The following CC2D2A variants were observed in gnomAD, a reference collection of about 807,000 sequenced individuals.
CC2D2A encodes coiled-coil and C2 domain-containing protein 2A.
A neutral mutation model predicts 212.9 loss-of-function variants in CC2D2A; 155 were observed. The ratio of observed to expected loss-of-function variants is 0.73; its 90% CI spans 0.64 to 0.83. CC2D2A has a LOEUF of 0.83. CC2D2A is among the 40% of genes least tolerant of loss of function. The pLI is 0.00. For synonymous variants in CC2D2A, 667 were observed against 686.5 expected, an observed-to-expected ratio of 0.97 and a Z score of 0.44; for missense variants, 1,856 against 1,956.2, an observed-to-expected ratio of 0.95 and a Z score of 0.97.
intron 4 of CC2D2A, among the ~76,000 whole-genome samples, chr4:15,491,752 T>C (rs1487708202): frequency 1.3e-5 from 2 of 152,204 alleles, no homozygotes; most frequent in African/African-American, 4.8e-5. Context: ...TACTATAGAG[T>C]TGTAAAAATT....
In CC2D2A at chr4:15,569,358, T is replaced by A. The variant is rs1720051909; in HGVS notation, c.3464T>A (p.Ile1155Asn). 2 of 1,578,140 alleles carry A rather than the reference T, an allele frequency of 1.3e-6. No individual in the cohort carries two copies. Among genetic ancestry groups the A allele is most frequent in the Non-Finnish European group, 1.7e-6 (2 of 1,159,858 alleles). ...GTGAAAGATGTTGTGTTCATTAACA[T>A]TTTTGATGAAGTACTGCATGATGTC... ...QSVKDVVFIN[I>N]FDEVLHDVLE... Residue 1155 changes from isoleucine (I) to asparagine (N), a missense_variant, in exon 27 of 37, where the codon ATT (isoleucine) becomes AAT (asparagine). This residue lies in a region of CC2D2A where 1,512 missense variants were observed against 1,579.3 expected (regional missense o/e 0.96). Coordinates refer to ENST00000424120, the MANE Select transcript of CC2D2A (RefSeq NM_001378615.1).
chr4:15,500,777 C>T (rs151018125), intron 4 of CC2D2A, among the ~76,000 whole-genome samples: 1 of 152,256 alleles, frequency 6.6e-6, no homozygotes, highest in Non-Finnish European at 1.5e-5. Context: ...GCCACTTTTC[C>T]TTCTACCACT....
In CC2D2A at chr4:15,550,829, T is replaced by A. The variant is rs930302303; in HGVS notation, c.2187T>A (p.Tyr729Ter). 6.4e-7 allele frequency: 1 copy of A among 1,561,650 alleles called. No individual in the cohort carries two copies. The highest frequency in any genetic ancestry group is 1.2e-5 in the South Asian group (1 of 86,030). ...TTCTCTTCTCTGGTTTTCAGGTCTA[T>A]GAAACTGTCGGACACAGTAGTCCCA... ...NWPESLTLQV[Y>*]ETVGHSSPTL... The change falls in exon 18 of 37, where the codon TAT becomes TAA. Residue 729 changes from tyrosine (Y) to a stop codon, truncating the protein, a stop_gained. Coordinates refer to ENST00000424120, the MANE Select transcript of CC2D2A (RefSeq NM_001378615.1). LOFTEE classifies it high-confidence loss of function.
Position 15,510,249 on chromosome 4 carries a change from T to A in CC2D2A, c.540+9T>A. 6.2e-7 allele frequency: 1 copy of A among 1,603,046 alleles called. No individual in the cohort carries two copies. The highest frequency in any genetic ancestry group is 8.5e-7 in the Non-Finnish European group (1 of 1,173,256). On this transcript the variant is annotated intron_variant, in intron 7 of 36. Coordinates refer to ENST00000424120, the MANE Select transcript of CC2D2A (RefSeq NM_001378615.1). Reference sequence around the variant, plus strand: ...TCAAGCCTAAACCCCAGGTGAGAAATCTTGTTTTTTAAAATCATTTGTTTG... The same window carrying A: ...TCAAGCCTAAACCCCAGGTGAGAAAACTTGTTTTTTAAAATCATTTGTTTG...
intron 13 of CC2D2A, among the ~76,000 whole-genome samples, chr4:15,530,457 G>T (rs1020325807): frequency 3.3e-4 from 50 of 152,088 alleles, no homozygotes; most frequent in African/African-American, 1.2e-3. Context: ...AATAATTTTT[G>T]TTTTGGCATA....
intron 4 of CC2D2A, among the ~76,000 whole-genome samples, chr4:15,498,211 A>G (rs903688185): frequency 9.9e-5 from 15 of 152,186 alleles, no homozygotes; most frequent in African/African-American, 3.4e-4. Context: ...ACATTGCTGA[A>G]CATCTAATCT....
Position 15,528,685 on chromosome 4 carries a change from T to G in CC2D2A, c.1425T>G (p.Asp475Glu), listed in dbSNP as rs748228512. Reference sequence around the variant, plus strand: ...CAGAAAAACCTCATCAGTCTCTCGATACCATCCAAAAAACCATCAATGAGT... The same window carrying G: ...CAGAAAAACCTCATCAGTCTCTCGAGACCATCCAAAAAACCATCAATGAGT... ...LDPEKPHQSL[D>E]TIQKTINEYK... is the part of the protein sequence containing the mutation. The change falls in exon 13 of 37, where the codon GAT becomes GAG. Residue 475 changes from aspartate to glutamate, a missense_variant. By Grantham distance (45) the Asp-to-Glu change is conservative (BLOSUM62 2). This residue lies in a region of CC2D2A where 1,512 missense variants were observed against 1,579.3 expected (regional missense o/e 0.96). Transcript: ENST00000424120. The G allele has an allele frequency of 5.0e-6, 8 of 1,613,392 alleles. No individual in the cohort carries two copies. The Admixed American group carries it at 1.3e-4, about 27-fold the overall frequency.
chr4:15,516,083 T>C, intron 10 of CC2D2A, 79 bp downstream of exon 10: 1 of 1,379,250 alleles, frequency 7.3e-7, no homozygotes, highest in Admixed American at 2.9e-5. Flanking sequence ...GGGCAGTCAT[T>C]GCATCCACTG....
chr4:15,591,780 C>A (rs888407455), intron 33 of CC2D2A, among the ~76,000 whole-genome samples: 4 of 152,200 alleles, frequency 2.6e-5, no homozygotes, highest in Non-Finnish European at 4.4e-5. Flanking sequence ...GCAGGGTTAA[C>A]AGGCACTGAA....
intron 11 of CC2D2A, among the ~76,000 whole-genome samples, chr4:15,522,911 GAGT>G (rs780400710): frequency 4.4e-4 from 66 of 151,032 alleles, no homozygotes; most frequent in Non-Finnish European, 7.2e-4. Context: ...CTGAGATCAG[GAGT>G]TCAAGACCAG....
At position 15,566,358 on chromosome 4, in the gene CC2D2A, TG is replaced by T. The variant is rs144905350; in HGVS notation, c.3183-1015del. ...GAGTGCAGGTACAAAGAACAGACAG[TG>T]GGGAGAACCTGGACTGGATGGAGAT... On this transcript the variant is annotated intron_variant, in intron 24 of 36. Coordinates refer to ENST00000424120, the MANE Select transcript of CC2D2A (RefSeq NM_001378615.1). Among the ~76,000 whole-genome samples, 1,311 of 152,058 alleles carry T rather than the reference TG, an allele frequency of 8.6e-3. 20 individuals are homozygous for T. Among genetic ancestry groups the T allele is most frequent in the Non-Finnish European group, 0.012 (802 of 67,962 alleles).
At chr4:15,535,565 A>T (rs1718083599) in intron 14 of CC2D2A, among the ~76,000 whole-genome samples, 1 of 152,252 alleles carries the variant, frequency 6.6e-6, no homozygotes, top group South Asian at 2.1e-4. Context: ...CATGCTTTTG[A>T]ATAACAATGA....
rs565437418 is a variant in CC2D2A at position 15,483,060 on chromosome 4, C to T, written c.247+2233C>T. Among the ~76,000 whole-genome samples the T allele has an allele frequency of 2.0e-5, 3 of 152,330 alleles. No homozygotes were observed. In the South Asian group the frequency reaches 6.2e-4, roughly 32 times the overall value. ...CTGATAAACCAAGACGAAGAGAAAA[C>T]ATCCCCAGCAGTGAGGGGTGGAGCA... On this transcript the variant is annotated intron_variant, in intron 4 of 36. Coordinates refer to ENST00000424120, the MANE Select transcript of CC2D2A (RefSeq NM_001378615.1).
chr4:15,549,461 G>C (rs1718881480), intron 17 of CC2D2A, among the ~76,000 whole-genome samples: 1 of 152,150 alleles, frequency 6.6e-6, no homozygotes, highest in Non-Finnish European at 1.5e-5. Context: ...GCAAAGGTGA[G>C]TGATGGATAC....
chr4:15,490,642 T>C (rs1451098595), intron 4 of CC2D2A, among the ~76,000 whole-genome samples: 2 of 152,226 alleles, frequency 1.3e-5, no homozygotes, highest in South Asian at 4.1e-4. Flanking sequence ...ACTTATGTTT[T>C]CATTTCTTTT....
rs1418475247 is a variant in CC2D2A, at chr4:15,528,602, T to C, written c.1360-18T>C. The stretch of plus-strand genomic sequence containing the variant: ...AATAGAGTTTGTAACCCAAAACTTG[T>C]ATCCATGTCGTTTTAAGCTCCAAGC... On this transcript the variant is annotated intron_variant, in intron 12 of 36. Transcript: ENST00000424120. 6.2e-7 allele frequency: 1 copy of C among 1,607,658 alleles called. No homozygotes were observed. Among genetic ancestry groups the C allele is most frequent in the African/African-American group, 1.3e-5 (1 of 74,878 alleles).
intron 11 of CC2D2A, among the ~76,000 whole-genome samples, chr4:15,520,163 C>A (rs1464651369): frequency 6.6e-6 from 1 of 152,096 alleles, no homozygotes; most frequent in African/African-American, 2.4e-5. Context: ...TAATCATTTT[C>A]TCTTCCTCAT....
chr4:15,546,109 CA>C lies in CC2D2A; in HGVS notation c.2182-4705del, dbSNP rs984223348. On this transcript the variant is annotated intron_variant, in intron 17 of 36. Transcript: ENST00000424120. ...TGGGAGACAGGGTGAGACCCTGTCT[CA>C]AAAAAAAAATTGGCCCCAAGAGAAG... 1.3e-4 allele frequency among the ~76,000 whole-genome samples: 19 copies of C among 146,340 alleles called. No individual in the cohort carries two copies. In the East Asian group the frequency reaches 1.4e-3, roughly 11 times the overall value.
At chr4:15,484,195 G>A (rs1398203071) in intron 4 of CC2D2A, among the ~76,000 whole-genome samples, 1 of 152,214 alleles carries the variant, frequency 6.6e-6, no homozygotes, top group African/African-American at 2.4e-5. Context: ...AGGATGAGGT[G>A]CATTTATGAA....
Sources: allele counts gnomAD v4.1 joint callset (sites outside exome capture counted in the v4.1 genomes callset), GRCh38; gene constraint gnomAD v4.1.1; regional missense constraint gnomAD v4.1.1; transcripts MANE v1.5; gene names NCBI Gene and HGNC (gene_info 2026-07-23, HGNC 2026-07-21).